CCDC167: variants seen among roughly 807,000 people sequenced by gnomAD.
CCDC167 encodes the protein coiled-coil domain-containing protein 167.
In CCDC167, 15 loss-of-function variants were observed where a neutral mutation model predicts 12.7. That is an observed-to-expected ratio of 1.18 (90% CI 0.79 to 1.81). The LOEUF is 1.81. CCDC167 is among the 40% of genes most tolerant of loss of function. The probability of loss-of-function intolerance (pLI) is 0.00; values close to 1 mark genes in which losing one functional copy is unlikely to be tolerated. For missense variants in CCDC167, 121 were observed against 120.1 expected (o/e 1.01, Z -0.03); for synonymous variants, 52 against 49.0 (o/e 1.06, Z -0.26).
intron 1 of CCDC167, among the ~76,000 whole-genome samples, chr6:37,498,600 C>T (rs79180479): frequency 0.034 from 5,111 of 151,690 alleles, 297 homozygotes; most frequent in African/African-American, 0.11. Context: ...GGCGGGCGGG[C>T]AGATCACTTG....
At chr6:37,499,599 C>A (rs1001485258) in intron 1 of CCDC167, among the ~76,000 whole-genome samples, 6 of 152,218 alleles carry the variant, frequency 3.9e-5, no homozygotes, top group South Asian at 2.1e-4. Flanking sequence ...TCTGGAGATG[C>A]CCTCTCCAGA....
At position 37,483,141 on chromosome 6, in the gene CCDC167, AG is replaced by A. The variant is rs1561796594; in HGVS notation, c.*44del. ...TGAAGTGCCTGCTTGATCCTGATCA[AG>A]GGGCCAAGTGGAAGCCTGTGCTGGT... On this transcript the variant is annotated 3_prime_UTR_variant, in exon 4 of 4. Coordinates refer to ENST00000373408, the MANE Select transcript of CCDC167 (RefSeq NM_138493.3). 1 of 1,471,912 alleles carries A rather than the reference AG, an allele frequency of 6.8e-7. No individual in the cohort carries two copies. Among genetic ancestry groups the A allele is most frequent in the Non-Finnish European group, 9.5e-7 (1 of 1,050,626 alleles). The allele number at this position is 1,471,912 out of a possible 1,614,324, so 91.2% of individuals were successfully genotyped here.
rs747086703 is a variant in CCDC167 at position 37,483,167 on chromosome 6, T to G, written c.*19A>C. The G allele has an allele frequency of 2.1e-5, 34 of 1,585,400 alleles. No homozygotes were observed. The highest frequency in any genetic ancestry group is 2.8e-5 in the Non-Finnish European group (32 of 1,154,102). ...GGGGCCAAGTGGAAGCCTGTGCTGG[T>G]TGTGGGGAAGTGCCAGGCTCACATG... On this transcript the variant is annotated 3_prime_UTR_variant, in exon 4 of 4. Transcript: ENST00000373408.
Position 37,483,187 on chromosome 6 carries a change from C to T in CCDC167, c.293G>A (p.Ter98=). The change falls in exon 4 of 4, where the codon TGA becomes TAA. Residue 98 remains the stop codon, a stop_retained_variant. Transcript: ENST00000373408. The part of the protein sequence containing the change: ...LTLVYAYWTM[*] The stretch of plus-strand genomic sequence containing the variant: ...GCTGGTTGTGGGGAAGTGCCAGGCT[C>T]ACATGGTCCAGTAGGCATAGACGAG... The T allele has an allele frequency of 1.9e-6, 3 of 1,612,106 alleles. No homozygotes were observed. The highest frequency in any genetic ancestry group is 2.5e-6 in the Non-Finnish European group (3 of 1,178,160).
chr6:37,489,401 GAAC>G (rs978495340), intron 1 of CCDC167, among the ~76,000 whole-genome samples: 2 of 152,196 alleles, frequency 1.3e-5, no homozygotes, highest in Non-Finnish European at 1.5e-5. Flanking sequence ...GTAGATGTCA[GAAC>G]AACAACAGGC....
At chr6:37,483,352 C>T in intron 3 of CCDC167, 63 bp from the exon 4 acceptor site, 1 of 1,118,758 alleles carries the variant, frequency 8.9e-7, no homozygotes, top group African/African-American at 1.5e-5. Flanking sequence ...TCTGCTCTGC[C>T]TCTCCAACGA....
At chr6:37,492,426 T>G (rs1048847708) in intron 1 of CCDC167, among the ~76,000 whole-genome samples, 1 of 152,212 alleles carries the variant, frequency 6.6e-6, no homozygotes, top group Admixed American at 6.5e-5. Context: ...AATTTGTTTG[T>G]TGAGACAGAG....
In CCDC167 at chr6:37,484,868, A is replaced by AG. The variant is rs755362888; in HGVS notation, c.138-7dup. The AG allele has an allele frequency of 2.5e-6, 4 of 1,614,076 alleles. No individual in the cohort carries two copies. Among genetic ancestry groups the AG allele is most frequent in the African/African-American group, 1.3e-5 (1 of 74,932 alleles). On this transcript the variant is annotated splice_polypyrimidine_tract_variant and splice_region_variant and intron_variant, in intron 2 of 3. Transcript: ENST00000373408. Reference sequence around the variant, plus strand: ...TCTCCTTCTCCAGGGACCTCCTGTGAGGGGAAAGGAGCTTCATGGACCAAA... The same window carrying AG: ...TCTCCTTCTCCAGGGACCTCCTGTGAGGGGGAAAGGAGCTTCATGGACCAAA...
intron 1 of CCDC167, among the ~76,000 whole-genome samples, chr6:37,486,178 C>T (rs1434754233): frequency 1.3e-5 from 2 of 152,220 alleles, no homozygotes; most frequent in Non-Finnish European, 2.9e-5. Context: ...TCTCTGACTT[C>T]ACTCATTCTC....
chr6:37,498,589 A>AGGCG (rs995753104), intron 1 of CCDC167, among the ~76,000 whole-genome samples: 5 of 152,214 alleles, frequency 3.3e-5, no homozygotes, highest in African/African-American at 1.2e-4. Context: ...TGGGAGGCTA[A>AGGCG]GGCGGGCGGG....
chr6:37,484,032 C>T (rs958926945), intron 3 of CCDC167, among the ~76,000 whole-genome samples: 2 of 152,232 alleles, frequency 1.3e-5, no homozygotes, highest in African/African-American at 2.4e-5. Flanking sequence ...TGGGAAGAGA[C>T]ACCTGCAGAG....
intron 1 of CCDC167, among the ~76,000 whole-genome samples, chr6:37,494,936 A>T (rs1762079198): frequency 6.6e-6 from 1 of 150,796 alleles, no homozygotes; most frequent in African/African-American, 2.4e-5. Flanking sequence ...AGTAGCTGGG[A>T]TTACAGGCGT....
At chr6:37,484,325 C>G (rs1761910560) in intron 3 of CCDC167, among the ~76,000 whole-genome samples, 1 of 152,240 alleles carries the variant, frequency 6.6e-6, no homozygotes, top group Non-Finnish European at 1.5e-5. Context: ...CCTCTGGCGC[C>G]CCGCCGGGCC....
chr6:37,484,729 T>A, intron 3 of CCDC167, 81 bp downstream of exon 3: 1 of 1,538,734 alleles, frequency 6.5e-7, no homozygotes, highest in African/African-American at 1.4e-5. Flanking sequence ...CCTGCTGCCT[T>A]GTCAGGCCCC....
intron 1 of CCDC167, among the ~76,000 whole-genome samples, chr6:37,497,218 T>C (rs1209506103): frequency 6.6e-6 from 1 of 152,258 alleles, no homozygotes; most frequent in Non-Finnish European, 1.5e-5. Flanking sequence ...GTTCTTGTTG[T>C]TCCTGGTAGC....
At chr6:37,499,035 A>G (rs1409596290) in intron 1 of CCDC167, among the ~76,000 whole-genome samples, 1 of 152,146 alleles carries the variant, frequency 6.6e-6, no homozygotes, top group East Asian at 1.9e-4. Flanking sequence ...CCCTAAGGGA[A>G]GGAAAACAGG....
At chr6:37,487,717 T>C (rs192228424) in intron 1 of CCDC167, among the ~76,000 whole-genome samples, 2 of 152,308 alleles carry the variant, frequency 1.3e-5, no homozygotes, top group Admixed American at 1.3e-4. Context: ...AATCTTAAAA[T>C]TTTGAGGTTG....
intron 1 of CCDC167, among the ~76,000 whole-genome samples, chr6:37,487,671 G>C (rs2113905576): frequency 1.3e-5 from 2 of 152,272 alleles, no homozygotes; most frequent in South Asian, 2.1e-4. Context: ...AGTGGTAATT[G>C]CCCCCAGAGC....
chr6:37,489,983 C>T (rs890211074), intron 1 of CCDC167, among the ~76,000 whole-genome samples: 4 of 152,312 alleles, frequency 2.6e-5, no homozygotes, highest in Non-Finnish European at 4.4e-5. Flanking sequence ...AAGAACCACC[C>T]GTGCATTATA....
Sources: allele counts gnomAD v4.1 joint callset (sites outside exome capture counted in the v4.1 genomes callset), GRCh38; gene constraint gnomAD v4.1.1; transcripts MANE v1.5; gene names NCBI Gene and HGNC (gene_info 2026-07-23, HGNC 2026-07-21).